Variants in DACH1 observed in about 807,000 individuals in gnomAD.
The protein encoded by DACH1 is dachshund homolog 1.
In DACH1, 12 loss-of-function variants were observed where a neutral mutation model predicts 54.2. The ratio of observed to expected loss-of-function variants is 0.22; its 90% confidence interval spans 0.14 to 0.36. The LOEUF (loss-of-function observed/expected upper bound fraction) is 0.36, where lower values mean the gene tolerates loss of function less well. Ranked by LOEUF, DACH1 falls within the 10% of genes least tolerant of loss-of-function variation. The probability of loss-of-function intolerance (pLI) is 1.00; values close to 1 mark genes in which losing one functional copy is unlikely to be tolerated. For synonymous variants in DACH1, 386 were observed against 366.2 expected (o/e 1.05, Z -0.62); for missense variants, 805 against 929.8 (o/e 0.87, Z 1.75).
At chr13:71,591,343 A>T (rs1873696214) in intron 3 of DACH1, among the ~76,000 whole-genome samples, 1 of 152,176 alleles carries the variant, frequency 6.6e-6, no homozygotes, top group Non-Finnish European at 1.5e-5. Context: ...TAATCCATAG[A>T]TCTACATATC....
intron 1 of DACH1, among the ~76,000 whole-genome samples, chr13:71,799,384 T>G (rs186903108): frequency 8.5e-5 from 13 of 152,268 alleles, no homozygotes; most frequent in Admixed American, 2.6e-4. Flanking sequence ...ACGTTTTACA[T>G]ATTCCCTATG....
intron 1 of DACH1, among the ~76,000 whole-genome samples, chr13:71,812,818 A>T (rs771552010): frequency 3.9e-5 from 6 of 152,198 alleles, no homozygotes; most frequent in African/African-American, 1.4e-4. Flanking sequence ...GACCAAATTT[A>T]TATTTCAAAT....
intron 10 of DACH1, among the ~76,000 whole-genome samples, chr13:71,446,457 G>C (rs899590099): frequency 6.6e-6 from 1 of 152,110 alleles, no homozygotes; most frequent in African/African-American, 2.4e-5. Flanking sequence ...GTGCTATATC[G>C]ATTTTAAGTC....
intron 7 of DACH1, among the ~76,000 whole-genome samples, chr13:71,488,515 G>C (rs1228776099): frequency 6.6e-6 from 1 of 151,996 alleles, no homozygotes; most frequent in Non-Finnish European, 1.5e-5. Context: ...TCTATTAATT[G>C]AAACAAACTT....
At chr13:71,725,678 A>C (rs562602631) in intron 1 of DACH1, among the ~76,000 whole-genome samples, 3 of 152,246 alleles carry the variant, frequency 2.0e-5, no homozygotes, top group African/African-American at 4.8e-5. Flanking sequence ...TATCTATTAG[A>C]GAAATAAGCT....
chr13:71,662,322 A>T (rs1879559661), intron 2 of DACH1, among the ~76,000 whole-genome samples: 1 of 152,050 alleles, frequency 6.6e-6, no homozygotes, highest in Non-Finnish European at 1.5e-5. Flanking sequence ...ATGCTTTTTT[A>T]AAAATCACGA....
At chr13:71,722,584 T>A (rs563247951) in intron 1 of DACH1, among the ~76,000 whole-genome samples, 1 of 152,172 alleles carries the variant, frequency 6.6e-6, no homozygotes, top group Admixed American at 6.5e-5. Context: ...TCTGTATGCA[T>A]TTAAAATAAT....
At chr13:71,730,380 G>T (rs752131056) in intron 1 of DACH1, among the ~76,000 whole-genome samples, 58 of 152,070 alleles carry the variant, frequency 3.8e-4, no homozygotes, top group Non-Finnish European at 7.6e-4. Flanking sequence ...TAGATTAAAA[G>T]CTAAGTACAG....
intron 1 of DACH1, among the ~76,000 whole-genome samples, chr13:71,705,286 C>T (rs1183939470): frequency 6.6e-6 from 1 of 152,166 alleles, no homozygotes; most frequent in Non-Finnish European, 1.5e-5. Flanking sequence ...TATTCAATGA[C>T]TCTGGGTTGG....
At chr13:71,554,675 C>T (rs1884123475) in intron 6 of DACH1, among the ~76,000 whole-genome samples, 1 of 152,094 alleles carries the variant, frequency 6.6e-6, no homozygotes, top group African/African-American at 2.4e-5. Flanking sequence ...GATCAGTATG[C>T]ACTCAAAGAC....
intron 1 of DACH1, among the ~76,000 whole-genome samples, chr13:71,748,908 CTTTCTT>C: frequency 2.5e-3 from 77 of 30,916 alleles, no homozygotes; most frequent in African/African-American, 5.7e-3. Context: ...CTCTTTCTTT[CTTTCTT>C]TCTTTCTTTC....
chr13:71,860,660 C>T (rs1265943264), intron 1 of DACH1, among the ~76,000 whole-genome samples: 1 of 151,930 alleles, frequency 6.6e-6, no homozygotes. Context: ...AGACAGTTTA[C>T]AACCTGTGAG....
At chr13:71,627,278 C>A (rs1876718024) in intron 3 of DACH1, among the ~76,000 whole-genome samples, 2 of 146,900 alleles carry the variant, frequency 1.4e-5, no homozygotes, top group Non-Finnish European at 3.0e-5. Context: ...AAAACATAAT[C>A]TGTTATCTGG....
intron 6 of DACH1, among the ~76,000 whole-genome samples, chr13:71,523,831 G>A (rs1881768505): frequency 6.6e-6 from 1 of 151,996 alleles, no homozygotes; most frequent in South Asian, 2.1e-4. Flanking sequence ...GTCATAAACA[G>A]GAAAAAGAAC....
intron 10 of DACH1, among the ~76,000 whole-genome samples, chr13:71,458,396 T>A (rs1398195152): frequency 2.0e-5 from 3 of 151,994 alleles, no homozygotes; most frequent in African/African-American, 7.2e-5. Flanking sequence ...CCAGTTGGAA[T>A]GTACTCTGAC....
chr13:71,505,677 C>A (rs547168947), intron 6 of DACH1, among the ~76,000 whole-genome samples: 7 of 152,004 alleles, frequency 4.6e-5, no homozygotes, highest in Non-Finnish European at 1.0e-4. Context: ...AAGCTTTAGG[C>A]AAATAAATAA....
intron 1 of DACH1, among the ~76,000 whole-genome samples, chr13:71,798,327 T>TAC (rs1566507090): frequency 1.7e-4 from 5 of 29,666 alleles, no homozygotes; most frequent in East Asian, 0.025. Context: ...TACATACATA[T>TAC]ATATATATAT....
At chr13:71,664,841 C>T (rs1377970299) in intron 2 of DACH1, among the ~76,000 whole-genome samples, 1 of 151,902 alleles carries the variant, frequency 6.6e-6, no homozygotes, top group Non-Finnish European at 1.5e-5. Context: ...CTAATTATAT[C>T]AAACAGTTTA....
At position 71,866,450 on chromosome 13, in the gene DACH1, T is replaced by C; in HGVS notation, c.320A>G (p.Asn107Ser). Residue 107 changes from asparagine to serine, a missense_variant, in exon 1 of 11, where the codon AAC becomes AGC. Physicochemically the swap from Asn to Ser is conservative, Grantham distance 46. This residue lies in a region of DACH1 where 305 missense variants were observed against 308.7 expected (regional missense o/e 0.99). Coordinates refer to ENST00000613252, the MANE Select transcript of DACH1 (RefSeq NM_080759.6). ...GGGGGSNCNP[N>S]LAAASNGSGG... ...GCTGCCGTTGCTCGCGGCCGCCAGG[T>C]TGGGGTTGCAGTTGCTGCCACCGCC... 7.8e-7 allele frequency: 1 copy of C among 1,280,990 alleles called. No individual in the cohort carries two copies. The highest frequency in any genetic ancestry group is 1.0e-6 in the Non-Finnish European group (1 of 978,494). 79.4% of individuals were successfully genotyped at this position (1,280,990 alleles called of 1,614,324 possible). A position where few individuals can be genotyped will look rare whatever the true frequency, so the allele number is the denominator to read the frequency against.
Sources: allele counts gnomAD v4.1 joint callset (sites outside exome capture counted in the v4.1 genomes callset), GRCh38; gene constraint gnomAD v4.1.1; regional missense constraint gnomAD v4.1.1; transcripts MANE v1.5; gene names NCBI Gene and HGNC (gene_info 2026-07-23, HGNC 2026-07-21).